Variants in MAPK10 observed in about 807,000 individuals in gnomAD.
MAPK10 encodes the protein JNK3 alpha protein kinase.
MAPK10 carries 25 observed loss-of-function variants against 59.3 expected under a neutral mutation model. The observed-to-expected ratio is 0.42, with a 90% CI of 0.31 to 0.59. MAPK10 has a LOEUF of 0.59. Among genes scored for constraint, MAPK10 ranks in the 20% least tolerant of loss-of-function variants. MAPK10 has a pLI of 0.15. For synonymous variants in MAPK10, 190 were observed against 200.5 expected (o/e 0.95, Z 0.44); for missense variants, 351 against 568.9 (o/e 0.62, Z 3.90).
intron 4 of MAPK10, among the ~76,000 whole-genome samples, chr4:86,134,829 C>T (rs2061615924): frequency 6.6e-6 from 1 of 152,186 alleles, no homozygotes; most frequent in Non-Finnish European, 1.5e-5. Flanking sequence ...TGGGTGCACG[C>T]ACCATGCACG....
chr4:86,215,908 T>C (rs2087397451), intron 2 of MAPK10, among the ~76,000 whole-genome samples: 1 of 152,112 alleles, frequency 6.6e-6, no homozygotes, highest in Non-Finnish European at 1.5e-5. Context: ...TCACATCCAT[T>C]GGGATGGCTA....
Position 86,088,063 on chromosome 4 carries a change from G to C in MAPK10, c.802+10461C>G, listed in dbSNP as rs533806765. Among the ~76,000 whole-genome samples, 3 of 152,238 alleles carry C rather than the reference G, an allele frequency of 2.0e-5. No homozygotes were observed. The South Asian group carries it at 6.2e-4, about 32-fold the overall frequency. On this transcript the variant is annotated intron_variant, in intron 9 of 13. Coordinates refer to ENST00000641462, the MANE Select transcript of MAPK10 (RefSeq NM_138982.4). ...GGATGAAGACATAAAACTTTCATAA[G>C]TGACTAAGTGTAGAGGGATATTTAA...
intron 3 of MAPK10, among the ~76,000 whole-genome samples, chr4:86,189,967 AT>A (rs2079264566): frequency 6.6e-6 from 1 of 152,098 alleles, no homozygotes; most frequent in Admixed American, 6.6e-5. Flanking sequence ...TGGGTGTTGA[AT>A]TTTATCGAAG....
intron 1 of MAPK10, among the ~76,000 whole-genome samples, chr4:86,584,045 G>C (rs1357609160): frequency 2.6e-5 from 4 of 152,158 alleles, no homozygotes; most frequent in Non-Finnish European, 5.9e-5. Context: ...GTGTATGTCT[G>C]TGTGTGTGCA....
chr4:86,501,866 G>A (rs1439977457), intron 1 of MAPK10, among the ~76,000 whole-genome samples: 6 of 151,990 alleles, frequency 3.9e-5, no homozygotes, highest in Admixed American at 2.6e-4. Context: ...TTGAGAACTT[G>A]TGGTTTAGTA....
At chr4:86,133,650 G>T (rs1231688303) in intron 4 of MAPK10, among the ~76,000 whole-genome samples, 5 of 152,172 alleles carry the variant, frequency 3.3e-5, no homozygotes, top group African/African-American at 1.2e-4. Flanking sequence ...CTTTTTGTGG[G>T]TATTAACACG....
At chr4:86,415,508 A>G (rs573747758) in intron 1 of MAPK10, among the ~76,000 whole-genome samples, 2 of 152,344 alleles carry the variant, frequency 1.3e-5, no homozygotes, top group East Asian at 1.9e-4. Flanking sequence ...ATAAAGAACT[A>G]CTACAATCAA....
intron 2 of MAPK10, among the ~76,000 whole-genome samples, chr4:86,232,348 T>G (rs1222697006): frequency 2.0e-5 from 3 of 152,020 alleles, no homozygotes; most frequent in Non-Finnish European, 2.9e-5. Flanking sequence ...CATTAAAACA[T>G]CTTTGCAAAA....
chr4:86,175,551 C>A (rs932343753), intron 3 of MAPK10, among the ~76,000 whole-genome samples: 2 of 151,948 alleles, frequency 1.3e-5, no homozygotes, highest in East Asian at 3.9e-4. Flanking sequence ...CTCGTGAGAT[C>A]TGGTTGTTTA....
chr4:86,559,876 T>C (rs556999603), intron 1 of MAPK10, among the ~76,000 whole-genome samples: 166 of 151,370 alleles, frequency 1.1e-3, no homozygotes, highest in Non-Finnish European at 1.5e-3. Context: ...GAGGCAGAGA[T>C]TGCAGTGAGC....
chr4:86,108,980 T>C (rs1268814786), intron 4 of MAPK10, among the ~76,000 whole-genome samples: 2 of 152,182 alleles, frequency 1.3e-5, no homozygotes, highest in African/African-American at 2.4e-5. Flanking sequence ...CGTTACTATC[T>C]GGTCAGTTTC....
At chr4:86,160,853 A>G (rs2069374691) in intron 3 of MAPK10, among the ~76,000 whole-genome samples, 1 of 152,074 alleles carries the variant, frequency 6.6e-6, no homozygotes, top group Admixed American at 6.6e-5. Flanking sequence ...CTGGATTGAT[A>G]ATAAAACTAT....
At chr4:86,231,869 GA>G (rs2091599589) in intron 2 of MAPK10, among the ~76,000 whole-genome samples, 1 of 152,110 alleles carries the variant, frequency 6.6e-6, no homozygotes, top group Admixed American at 6.5e-5. Context: ...GGCAACAGTA[GA>G]GCATTAAGCC....
At chr4:86,515,084 G>A (rs1579448862) in intron 1 of MAPK10, among the ~76,000 whole-genome samples, 1 of 152,122 alleles carries the variant, frequency 6.6e-6, no homozygotes, top group East Asian at 1.9e-4. Flanking sequence ...TCACTTATAA[G>A]TGAGAACATT....
chr4:86,208,612 G>A (rs868258252), intron 2 of MAPK10, among the ~76,000 whole-genome samples: 104 of 152,000 alleles, frequency 6.8e-4, no homozygotes, highest in African/African-American at 2.4e-3. Context: ...AGCTATCTAT[G>A]ACAAACCCAC....
chr4:86,514,428 G>A (rs1398417074), intron 1 of MAPK10, among the ~76,000 whole-genome samples: 9 of 152,002 alleles, frequency 5.9e-5, no homozygotes, highest in Non-Finnish European at 1.3e-4. Flanking sequence ...TTACCTCTCT[G>A]AATATATACA....
At chr4:86,293,202 T>C (rs2095274070) in intron 2 of MAPK10, among the ~76,000 whole-genome samples, 3 of 152,230 alleles carry the variant, frequency 2.0e-5, no homozygotes, top group African/African-American at 7.2e-5. Context: ...TCCCCTAGAA[T>C]TTCAAACTTT....
At position 86,206,312 on chromosome 4, in the gene MAPK10, T is replaced by C. The variant is rs565343312; in HGVS notation, c.-6-11905A>G. Among the ~76,000 whole-genome samples the C allele has an allele frequency of 4.6e-5, 7 of 151,994 alleles. No individual in the cohort carries two copies. The East Asian group carries it at 9.7e-4, about 21-fold the overall frequency. On this transcript the variant is annotated intron_variant, in intron 2 of 13. Transcript: ENST00000641462. ...TATGCGGTGTTTGGTTTTTTGTTCTTGCGATAGTTTACTGAGAATGATGAT... is the reference window on the plus strand; with the variant it reads ...TATGCGGTGTTTGGTTTTTTGTTCTCGCGATAGTTTACTGAGAATGATGAT...
intron 2 of MAPK10, among the ~76,000 whole-genome samples, chr4:86,220,884 G>C (rs892066679): frequency 6.6e-6 from 1 of 152,070 alleles, no homozygotes; most frequent in Non-Finnish European, 1.5e-5. Context: ...AGGAGATTCA[G>C]TTATGTCTCA....
Sources: gnomAD v4.1 joint callset for allele counts (sites outside exome capture counted in the v4.1 genomes callset) on GRCh38, gnomAD v4.1.1 for gene constraint, MANE v1.5 for transcripts, NCBI Gene and HGNC (gene_info 2026-07-23, HGNC 2026-07-21) for gene names.